The following ZNF579 variants were observed in gnomAD, a reference collection of about 807,000 sequenced individuals.
The protein encoded by ZNF579 is zinc finger protein 579.
In ZNF579, 3 loss-of-function variants were observed where a neutral mutation model predicts 5.7. The observed-to-expected ratio is 0.53, with a 90% CI of 0.24 to 1.36. The LOEUF (loss-of-function observed/expected upper bound fraction) is 1.36. Among genes scored for constraint, ZNF579 ranks in the 40% most tolerant of loss-of-function variants. The probability of loss-of-function intolerance (pLI) is 0.16; values close to 1 mark genes in which losing one functional copy is unlikely to be tolerated. For missense variants in ZNF579, 679 were observed against 877.6 expected, an observed-to-expected ratio of 0.77 and a Z score of 2.86; for synonymous variants, 454 against 409.0, an observed-to-expected ratio of 1.11 and a Z score of -1.33.
In ZNF579 at chr19:55,578,767, G is replaced by A. The variant is rs1488389021; in HGVS notation, c.873C>T (p.Val291=). The stretch of plus-strand genomic sequence containing the variant: ...ACACGAAAGGGCGGTCGGTGGAGTG[G>A]ACCAGCCGGTGGCGCGACAGGGACC... ...RPWSLSRHRL[V]HSTDRPFVCP... The change falls in exon 2 of 2, where the codon GTC becomes GTT. Residue 291 remains valine (V), a synonymous_variant. Coordinates refer to ENST00000325421, the MANE Select transcript of ZNF579 (RefSeq NM_152600.3). 1 of 1,601,692 alleles carries A rather than the reference G, an allele frequency of 6.2e-7. No homozygotes were observed. The highest frequency in any genetic ancestry group is 8.5e-7 in the Non-Finnish European group (1 of 1,175,248).
rs1979492211 is a variant in ZNF579, at chr19:55,578,643, C to A, written c.997G>T (p.Gly333Cys). ...CCCGAGGCCTTGTCGTCCTTCTTGC[C>A]CGCCGCGGGCAGCGGGGCCAGCAGG... The part of the protein sequence containing the change: ...LSLLAPLPAA[G>C]KKDDKASGAR... The change falls in exon 2 of 2, where the codon GGC becomes TGC. Residue 333 changes from glycine (G) to cysteine (C), a missense_variant. Physicochemically the swap from Gly to Cys is radical, Grantham distance 159. Transcript: ENST00000325421. The A allele has an allele frequency of 6.5e-7, 1 of 1,527,052 alleles. No individual in the cohort carries two copies. The allele number at this position is 1,527,052 out of a possible 1,614,324, so 94.6% of individuals were successfully genotyped here.
rs552565318 is a variant in ZNF579 at position 55,579,098 on chromosome 19, G to C, written c.542C>G (p.Thr181Arg). ...PETWPAGEPS[T>R]LAAPTSAAEP... Reference sequence around the variant, plus strand: ...CGCGGCGCTGGTGGGCGCAGCCAGCGTGGAAGGCTCCCCCGCAGGCCACGT... The same window carrying C: ...CGCGGCGCTGGTGGGCGCAGCCAGCCTGGAAGGCTCCCCCGCAGGCCACGT... Residue 181 changes from threonine to arginine, a missense_variant, in exon 2 of 2, where the codon ACG (threonine) becomes AGG (arginine). Coordinates refer to ENST00000325421, the MANE Select transcript of ZNF579 (RefSeq NM_152600.3). 2 of 1,527,944 alleles carry C rather than the reference G, an allele frequency of 1.3e-6. No individual in the cohort carries two copies. Among genetic ancestry groups the C allele is most frequent in the Admixed American group, 3.9e-5 (2 of 50,712 alleles). 94.6% of individuals were successfully genotyped at this position (1,527,944 alleles called of 1,614,324 possible).
chr19:55,579,578 C>A lies in ZNF579; in HGVS notation c.62G>T (p.Gly21Val). The change falls in exon 2 of 2, where the codon GGC becomes GTC. Residue 21 changes from glycine (G) to valine (V), a missense_variant. Gly to Val is a moderately radical substitution (Grantham distance 109). Coordinates refer to ENST00000325421, the MANE Select transcript of ZNF579 (RefSeq NM_152600.3). ...GSPPHRGRGR[G>V]RGRGRGRGRG... Reference sequence around the variant, plus strand: ...GCCCCGACCACGGCCTCGGCCACGGCCCCGGCCTCGGCCACGGTGAGGTGG... The same window carrying A: ...GCCCCGACCACGGCCTCGGCCACGGACCCGGCCTCGGCCACGGTGAGGTGG... 6.7e-7 allele frequency: 1 copy of A among 1,493,986 alleles called. No individual in the cohort carries two copies. The highest frequency in any genetic ancestry group is 8.9e-7 in the Non-Finnish European group (1 of 1,128,116). 92.5% of individuals were successfully genotyped at this position (1,493,986 alleles called of 1,614,324 possible). A position where few individuals can be genotyped will look rare whatever the true frequency, so the allele number is the denominator to read the frequency against.
intron 1 of ZNF579, among the ~76,000 whole-genome samples, chr19:55,580,503 G>A (rs1010240315): frequency 3.3e-5 from 5 of 151,748 alleles, no homozygotes; most frequent in African/African-American, 1.2e-4. Flanking sequence ...TCCCGGTGGA[G>A]GAGGGGCTGG....
chr19:55,578,979 G>C lies in ZNF579; in HGVS notation c.661C>G (p.Gln221Glu). ...GTCCAGTCTGCCTGGAGCAGGACCT[G>C]TTTCTCCTCCTGCCGCCCGGCCGCC... ...ALAAGRQEEK[Q>E]VLLQADWTLL... Residue 221 changes from glutamine (Q) to glutamate (E), a missense_variant, in exon 2 of 2, where the codon CAG (glutamine) becomes GAG (glutamate). By Grantham distance (29) the Gln-to-Glu change is conservative. Coordinates refer to ENST00000325421, the MANE Select transcript of ZNF579 (RefSeq NM_152600.3). 6.5e-7 allele frequency: 1 copy of C among 1,539,820 alleles called. No individual in the cohort carries two copies. Among genetic ancestry groups the C allele is most frequent in the East Asian group, 2.4e-5 (1 of 40,896 alleles).
Position 55,577,689 on chromosome 19 carries a change from T to C in ZNF579, c.*262A>G. 1 of 574,336 alleles carries C rather than the reference T, an allele frequency of 1.7e-6. No individual in the cohort carries two copies. The highest frequency in any genetic ancestry group is 3.0e-6 in the Non-Finnish European group (1 of 337,902). The allele number at this position is 574,336 out of a possible 1,614,324, so 35.6% of individuals were successfully genotyped here. A position where few individuals can be genotyped will look rare whatever the true frequency, so the allele number is the denominator to read the frequency against. On this transcript the variant is annotated 3_prime_UTR_variant, in exon 2 of 2. Coordinates refer to ENST00000325421, the MANE Select transcript of ZNF579 (RefSeq NM_152600.3). ...GGGCGTCCCCACCAGTCTCCATCCC[T>C]CTGGCCAACTGTCCGCCGCCTTTTT...
At position 55,577,709 on chromosome 19, in the gene ZNF579, C is replaced by CT; in HGVS notation, c.*241dup. On this transcript the variant is annotated 3_prime_UTR_variant, in exon 2 of 2. Transcript: ENST00000325421. ...ATCCCTCTGGCCAACTGTCCGCCGC[C>CT]TTTTTTTCCAAGTCGTCCTGCCTTA... The CT allele has an allele frequency of 1.1e-5, 8 of 705,786 alleles. No homozygotes were observed. The highest frequency in any genetic ancestry group is 1.8e-5 in the Non-Finnish European group (8 of 452,390). The allele number at this position is 705,786 out of a possible 1,614,324, so 43.7% of individuals were successfully genotyped here. A position where few individuals can be genotyped will look rare whatever the true frequency, so the allele number is the denominator to read the frequency against.
Position 55,578,935 on chromosome 19 carries a change from G to T in ZNF579, c.705C>A (p.Cys235Ter). Residue 235 changes from cysteine (C) to a stop codon, truncating the protein, a stop_gained, in exon 2 of 2, where the codon TGC (cysteine) becomes TGA (stop). Transcript: ENST00000325421. LOFTEE classifies it low-confidence loss of function (END_TRUNC). The part of the protein sequence containing the change: ...QADWTLLCLR[C>*]REAFATKGEL... ...CGCCCTTGGTGGCGAAGGCTTCGCG[G>T]CAGCGCAGACACAGCAGCGTCCAGT... 6.4e-7 allele frequency: 1 copy of T among 1,567,186 alleles called. No individual in the cohort carries two copies.
rs746370906 is a variant in ZNF579 at position 55,577,708 on chromosome 19, C to A, written c.*243G>T. On this transcript the variant is annotated 3_prime_UTR_variant, in exon 2 of 2. Coordinates refer to ENST00000325421, the MANE Select transcript of ZNF579 (RefSeq NM_152600.3). ...CATCCCTCTGGCCAACTGTCCGCCG[C>A]CTTTTTTTCCAAGTCGTCCTGCCTT... The A allele has an allele frequency of 6.0e-6, 4 of 665,974 alleles. No homozygotes were observed. The highest frequency in any genetic ancestry group is 9.4e-6 in the Non-Finnish European group (4 of 424,198). 41.3% of individuals were successfully genotyped at this position (665,974 alleles called of 1,614,324 possible). A position where few individuals can be genotyped will look rare whatever the true frequency, so the allele number is the denominator to read the frequency against.
In ZNF579 at chr19:55,576,891, A is replaced by G. The variant is rs1284245107; in HGVS notation, c.*1060T>C. 6.6e-6 allele frequency: 1 copy of G among 152,236 alleles called. No homozygotes were observed. Among genetic ancestry groups the G allele is most frequent in the Non-Finnish European group, 1.5e-5 (1 of 68,042 alleles). The allele number at this position is 152,236 out of a possible 1,614,324, so 9.4% of individuals were successfully genotyped here. ...ATATCATATTGGACAGTGAAGATGT[A>G]GAATATCCCATCATCACAAAAAGTT... is the stretch of plus-strand genomic sequence containing the variant. On this transcript the variant is annotated 3_prime_UTR_variant, in exon 2 of 2. Transcript: ENST00000325421.
At chr19:55,579,763 C>A in intron 1 of ZNF579, 122 bp from the exon 2 acceptor site, 1 of 1,119,570 alleles carries the variant, frequency 8.9e-7, no homozygotes, top group Non-Finnish European at 1.2e-6. Flanking sequence ...AGGTATTTAG[C>A]CAGGAGAGAG....
Position 55,578,091 on chromosome 19 carries a change from G to T in ZNF579, c.1549C>A (p.Pro517Thr). Residue 517 changes from proline to threonine, a missense_variant, in exon 2 of 2, where the codon CCA becomes ACA. Around this residue, in one of 6 missense-constraint regions of ZNF579, gnomAD observed 116 missense variants for 121.9 expected, o/e 0.95. Coordinates refer to ENST00000325421, the MANE Select transcript of ZNF579 (RefSeq NM_152600.3). ...GGGGGAGCCGGCGGGGACTGGGGTG[G>T]GGTCCCCGGAGAGGGCGGCTCTTCC... Reference protein sequence around the residue: ...IKEEPPSPGTPPQSPPAPPVF... With the variant: ...IKEEPPSPGTTPQSPPAPPVF... The T allele has an allele frequency of 6.4e-7, 1 of 1,569,218 alleles. No homozygotes were observed. The highest frequency in any genetic ancestry group is 2.3e-5 in the East Asian group (1 of 43,068).
chr19:55,578,314 C>A lies in ZNF579; in HGVS notation c.1326G>T (p.Pro442=). 1 of 1,302,596 alleles carries A rather than the reference C, an allele frequency of 7.7e-7. No individual in the cohort carries two copies. The highest frequency in any genetic ancestry group is 3.5e-5 in the East Asian group (1 of 28,182). 80.7% of individuals were successfully genotyped at this position (1,302,596 alleles called of 1,614,324 possible). A position where few individuals can be genotyped will look rare whatever the true frequency, so the allele number is the denominator to read the frequency against. ...QVHAGGPAPH[P]CPRCPRRFSR... ...AGAAGCGGCGCGGGCAGCGGGGGCACGGGTGCGGGGCTGGGCCCCCCGCGT... is the reference window on the plus strand; with the variant it reads ...AGAAGCGGCGCGGGCAGCGGGGGCAAGGGTGCGGGGCTGGGCCCCCCGCGT... The change falls in exon 2 of 2, where the codon CCG becomes CCT. Residue 442 remains proline (P), a synonymous_variant. Transcript: ENST00000325421.
At position 55,577,724 on chromosome 19, in the gene ZNF579, G is replaced by A. The variant is rs758792387; in HGVS notation, c.*227C>T. ...TGTCCGCCGCCTTTTTTTCCAAGTC[G>A]TCCTGCCTTAAGACACATGTTGGGG... On this transcript the variant is annotated 3_prime_UTR_variant, in exon 2 of 2. Coordinates refer to ENST00000325421, the MANE Select transcript of ZNF579 (RefSeq NM_152600.3). 1.8e-5 allele frequency: 14 copies of A among 778,496 alleles called. No individual in the cohort carries two copies. Among genetic ancestry groups the A allele is most frequent in the Non-Finnish European group, 2.7e-5 (14 of 524,512 alleles). 48.2% of individuals were successfully genotyped at this position (778,496 alleles called of 1,614,324 possible). A position where few individuals can be genotyped will look rare whatever the true frequency, so the allele number is the denominator to read the frequency against.
Position 55,579,282 on chromosome 19 carries a change from C to T in ZNF579, c.358G>A (p.Ala120Thr), listed in dbSNP as rs1440432783. ...PEPAQLRRHL[A>T]QEHAGGEVEL... Reference sequence around the variant, plus strand: ...ACCTCGCCGCCCGCGTGCTCCTGAGCCAGGTGGCGCCTGAGCTGGGCCGGT... The same window carrying T: ...ACCTCGCCGCCCGCGTGCTCCTGAGTCAGGTGGCGCCTGAGCTGGGCCGGT... The change falls in exon 2 of 2, where the codon GCT becomes ACT. Residue 120 changes from alanine (A) to threonine (T), a missense_variant. This residue lies in a region of ZNF579 where 134 missense variants were observed against 208.9 expected (regional missense o/e 0.64). Coordinates refer to ENST00000325421, the MANE Select transcript of ZNF579 (RefSeq NM_152600.3). The T allele has an allele frequency of 1.3e-6, 2 of 1,512,936 alleles. No individual in the cohort carries two copies. The highest frequency in any genetic ancestry group is 5.2e-5 in the East Asian group (2 of 38,174). The allele number at this position is 1,512,936 out of a possible 1,614,324, so 93.7% of individuals were successfully genotyped here. A position where few individuals can be genotyped will look rare whatever the true frequency, so the allele number is the denominator to read the frequency against.
Position 55,578,998 on chromosome 19 carries a change from G to C in ZNF579, c.642C>G (p.Ala214=). ...AELRAELALA[A]GRQEEKQVLL... The stretch of plus-strand genomic sequence containing the variant: ...GGACCTGTTTCTCCTCCTGCCGCCC[G>C]GCCGCCAGCGCCAGCTCGGCCCTCA... Residue 214 remains alanine (A), a synonymous_variant, in exon 2 of 2, where the codon GCC becomes GCG. Coordinates refer to ENST00000325421, the MANE Select transcript of ZNF579 (RefSeq NM_152600.3). The C allele has an allele frequency of 6.5e-7, 1 of 1,532,570 alleles. No homozygotes were observed. Among genetic ancestry groups the C allele is most frequent in the Non-Finnish European group, 8.7e-7 (1 of 1,145,090 alleles). The allele number at this position is 1,532,570 out of a possible 1,614,324, so 94.9% of individuals were successfully genotyped here. A position where few individuals can be genotyped will look rare whatever the true frequency, so the allele number is the denominator to read the frequency against.
At position 55,579,303 on chromosome 19, in the gene ZNF579, C is replaced by A; in HGVS notation, c.337G>T (p.Ala113Ser). ...TGAGCCAGGTGGCGCCTGAGCTGGG[C>A]CGGTTCTGGGAAGGTGCGGGGGCAG... ...AACPRTFPEP[A>S]QLRRHLAQEH... is the part of the protein sequence containing the mutation. Residue 113 changes from alanine (A) to serine (S), a missense_variant, in exon 2 of 2, where the codon GCC becomes TCC. This residue lies in a region of ZNF579 where 134 missense variants were observed against 208.9 expected (regional missense o/e 0.64). Coordinates refer to ENST00000325421, the MANE Select transcript of ZNF579 (RefSeq NM_152600.3). 2 of 1,504,682 alleles carry A rather than the reference C, an allele frequency of 1.3e-6. No individual in the cohort carries two copies. Among genetic ancestry groups the A allele is most frequent in the Non-Finnish European group, 1.8e-6 (2 of 1,130,592 alleles). 93.2% of individuals were successfully genotyped at this position (1,504,682 alleles called of 1,614,324 possible).
Position 55,578,887 on chromosome 19 carries a change from C to T in ZNF579, c.753G>A (p.Leu251=). 6.3e-7 allele frequency: 1 copy of T among 1,594,898 alleles called. No homozygotes were observed. The highest frequency in any genetic ancestry group is 8.5e-7 in the Non-Finnish European group (1 of 1,171,246). Residue 251 remains leucine (L), a synonymous_variant, in exon 2 of 2, where the codon CTG becomes CTA. Transcript: ENST00000325421. ...TKGELKAHPC[L]RPEGEQEGEG... ...CCCCTTCCTGTTCGCCCTCGGGGCG[C>T]AGACACGGGTGCGCCTTGAGCTCGC... is the stretch of plus-strand genomic sequence containing the variant.
Position 55,578,880 on chromosome 19 carries a change from C to A in ZNF579, c.760G>T (p.Glu254Ter). ...ELKAHPCLRP[E>*]GEQEGEGGPP... Reference sequence around the variant, plus strand: ...CCCCCTTCCCCTTCCTGTTCGCCCTCGGGGCGCAGACACGGGTGCGCCTTG... The same window carrying A: ...CCCCCTTCCCCTTCCTGTTCGCCCTAGGGGCGCAGACACGGGTGCGCCTTG... The change falls in exon 2 of 2, where the codon GAG (glutamate) becomes TAG (stop). Residue 254 changes from glutamate (E) to a stop codon, truncating the protein, a stop_gained. Coordinates refer to ENST00000325421, the MANE Select transcript of ZNF579 (RefSeq NM_152600.3). LOFTEE classifies it low-confidence loss of function (END_TRUNC). 1 of 1,596,052 alleles carries A rather than the reference C, an allele frequency of 6.3e-7. No homozygotes were observed. Among genetic ancestry groups the A allele is most frequent in the Non-Finnish European group, 8.5e-7 (1 of 1,171,676 alleles).
Sources: allele counts gnomAD v4.1 joint callset (sites outside exome capture counted in the v4.1 genomes callset), GRCh38; gene constraint gnomAD v4.1.1; regional missense constraint gnomAD v4.1.1; transcripts MANE v1.5; gene names NCBI Gene and HGNC (gene_info 2026-07-23, HGNC 2026-07-21).